The following ABHD4 variants were observed in gnomAD, a reference collection of about 807,000 sequenced individuals.
ABHD4 encodes the protein abhydrolase domain containing 4, N-acyl phospholipase B, also known as (Lyso)-N-acylphosphatidylethanolamine lipase.
A neutral mutation model predicts 42.3 loss-of-function variants in ABHD4; 35 were observed. The ratio of observed to expected loss-of-function variants is 0.83; its 90% CI spans 0.63 to 1.10. The LOEUF (loss-of-function observed/expected upper bound fraction) is 1.10. Among genes scored for constraint, ABHD4 ranks in the 50% least tolerant of loss-of-function variants. The probability of loss-of-function intolerance (pLI) is 0.00; values close to 1 mark genes in which losing one functional copy is unlikely to be tolerated. For missense variants in ABHD4, 389 were observed against 454.8 expected, an observed-to-expected ratio of 0.86 and a Z score of 1.32; for synonymous variants, 169 against 170.6, an observed-to-expected ratio of 0.99 and a Z score of 0.07.
intron 5 of ABHD4, among the ~76,000 whole-genome samples, chr14:22,608,947 G>T (rs1001637172): frequency 1.3e-5 from 2 of 151,926 alleles, no homozygotes; most frequent in Non-Finnish European, 1.5e-5. Flanking sequence ...TGATCTGCCC[G>T]CATCAGCCTC....
At chr14:22,601,860 G>A in intron 2 of ABHD4, 105 bp downstream of exon 2, 1 of 972,726 alleles carries the variant, frequency 1.0e-6, no homozygotes, top group Non-Finnish European at 1.6e-6. Flanking sequence ...CTAATTAACA[G>A]TGTGTATGGG....
In ABHD4 at chr14:22,611,119, T is replaced by C. The variant is rs1214204263; in HGVS notation, c.*171T>C. On this transcript the variant is annotated 3_prime_UTR_variant, in exon 7 of 7. Transcript: ENST00000428304. ...GAAAAGAACACTCTTGACCCTACACTGAAGGCTGAAGGCAGAAGCCACAAG... is the reference window on the plus strand; with the variant it reads ...GAAAAGAACACTCTTGACCCTACACCGAAGGCTGAAGGCAGAAGCCACAAG... The C allele has an allele frequency of 1.6e-5, 10 of 616,290 alleles. No homozygotes were observed. Among genetic ancestry groups the C allele is most frequent in the Non-Finnish European group, 2.9e-5 (10 of 346,658 alleles). 38.2% of individuals were successfully genotyped at this position (616,290 alleles called of 1,614,324 possible). A position where few individuals can be genotyped will look rare whatever the true frequency, so the allele number is the denominator to read the frequency against.
In ABHD4 at chr14:22,612,258, C is replaced by T. The variant is rs1037416438; in HGVS notation, c.*1310C>T. The stretch of plus-strand genomic sequence containing the variant: ...GCCTGCTCCTTCACTTTTGTAAAAC[C>T]ATCCCCTTCACCAGAATGGTATTAA... On this transcript the variant is annotated 3_prime_UTR_variant, in exon 7 of 7. Coordinates refer to ENST00000428304, the MANE Select transcript of ABHD4 (RefSeq NM_022060.3). The T allele has an allele frequency of 6.5e-6, 1 of 152,722 alleles. No individual in the cohort carries two copies. The highest frequency in any genetic ancestry group is 2.4e-5 in the African/African-American group (1 of 41,460). The allele number at this position is 152,722 out of a possible 1,614,324, so 9.5% of individuals were successfully genotyped here. A position where few individuals can be genotyped will look rare whatever the true frequency, so the allele number is the denominator to read the frequency against.
At chr14:22,607,421 G>A (rs935752200) in intron 5 of ABHD4, among the ~76,000 whole-genome samples, 1 of 152,118 alleles carries the variant, frequency 6.6e-6, no homozygotes, top group Admixed American at 6.5e-5. Context: ...CTCCTTTCTA[G>A]GGCTGTCCAA....
At position 22,609,822 on chromosome 14, in the gene ABHD4, C is replaced by T; in HGVS notation, c.851C>T (p.Thr284Ile). 1 of 1,614,144 alleles carries T rather than the reference C, an allele frequency of 6.2e-7. No homozygotes were observed. Among genetic ancestry groups the T allele is most frequent in the Non-Finnish European group, 8.5e-7 (1 of 1,180,038 alleles). ...IHLIRKDVPI[T>I]MIYGSDTWID... is the part of the protein sequence containing the mutation. ...TTGATTCGAAAAGATGTGCCTATCACTATGATCTACGGGTCCGACACCTGG... is the reference window on the plus strand; with the variant it reads ...TTGATTCGAAAAGATGTGCCTATCATTATGATCTACGGGTCCGACACCTGG... The change falls in exon 6 of 7, where the codon ACT (threonine) becomes ATT (isoleucine). Residue 284 changes from threonine to isoleucine, a missense_variant. This residue lies in a region of ABHD4 where 249 missense variants were observed against 254.4 expected (regional missense o/e 0.98). Coordinates refer to ENST00000428304, the MANE Select transcript of ABHD4 (RefSeq NM_022060.3).
Position 22,606,543 on chromosome 14 carries a change from G to A in ABHD4, c.752+10G>A, listed in dbSNP as rs529638832. On this transcript the variant is annotated intron_variant, in intron 5 of 6. Transcript: ENST00000428304. ...ACGCACAGAATCCCAGGTGAGGGCC[G>A]CTCCCCAGGCCAGCTTGGGGCAGAC... The A allele has an allele frequency of 1.4e-5, 22 of 1,581,284 alleles. No individual in the cohort carries two copies. Among genetic ancestry groups the A allele is most frequent in the South Asian group, 3.4e-5 (3 of 89,378 alleles).
chr14:22,598,553 G>A, intron 1 of ABHD4: 2 of 1,324,212 alleles, frequency 1.5e-6, no homozygotes, highest in South Asian at 2.5e-5. Flanking sequence ...CCCGCAGCCC[G>A]GGGATCCTGG....
At chr14:22,610,741 T>A in intron 6 of ABHD4, 118 bp from the exon 7 acceptor site, 1 of 752,538 alleles carries the variant, frequency 1.3e-6, no homozygotes. Flanking sequence ...GAGCATTATC[T>A]CTGATAAGAG....
chr14:22,603,605 A>G lies in ABHD4; in HGVS notation c.328A>G (p.Arg110Gly), dbSNP rs1241026842. The part of the protein sequence containing the change: ...FDLLGFGRSS[R>G]PAFPRDPEGA... ...TCTGCTTGGCTTCGGGCGAAGCTCA[A>G]GGCCAGCATTCCCAAGGGACCCGGA... Residue 110 changes from arginine to glycine, a missense_variant, in exon 3 of 7, where the codon AGG (arginine) becomes GGG (glycine). Physicochemically the swap from Arg to Gly is moderately radical, Grantham distance 125. Around this residue, in one of 3 missense-constraint regions of ABHD4, gnomAD observed 38 missense variants for 72.1 expected, o/e 0.53. Coordinates refer to ENST00000428304, the MANE Select transcript of ABHD4 (RefSeq NM_022060.3). The G allele has an allele frequency of 6.2e-7, 1 of 1,614,088 alleles. No homozygotes were observed. Among genetic ancestry groups the G allele is most frequent in the African/African-American group, 1.3e-5 (1 of 74,930 alleles).
chr14:22,610,801 G>A (rs992025356), intron 6 of ABHD4, 58 bp from the exon 7 acceptor site: 25 of 1,402,490 alleles, frequency 1.8e-5, no homozygotes, highest in Non-Finnish European at 2.3e-5. Context: ...ATAGCGTGAA[G>A]GCTTCCCAGC....
intron 5 of ABHD4, 190 bp from the exon 6 acceptor site, chr14:22,609,534 C>G (rs1466482667): frequency 1.8e-6 from 1 of 563,892 alleles, no homozygotes; most frequent in African/African-American, 1.9e-5. Flanking sequence ...CACAAGTGTT[C>G]CTCCGAACTC....
At chr14:22,608,258 G>A (rs901352180) in intron 5 of ABHD4, among the ~76,000 whole-genome samples, 6 of 152,156 alleles carry the variant, frequency 3.9e-5, no homozygotes. Context: ...ATCTGTACAT[G>A]TAAAAGAGAA....
At chr14:22,610,751 G>T in intron 6 of ABHD4, 108 bp from the exon 7 acceptor site, 1 of 822,548 alleles carries the variant, frequency 1.2e-6, no homozygotes, top group South Asian at 1.4e-5. Context: ...TCTGATAAGA[G>T]CTCGTGGGTG....
chr14:22,602,625 A>G (rs1415186859), intron 2 of ABHD4, among the ~76,000 whole-genome samples: 6 of 152,210 alleles, frequency 3.9e-5, no homozygotes, highest in Non-Finnish European at 8.8e-5. Context: ...ACACAGGTTC[A>G]AGAGCAATAG....
chr14:22,606,076 G>GCTA (rs2037345525), intron 4 of ABHD4, among the ~76,000 whole-genome samples: 1 of 152,188 alleles, frequency 6.6e-6, no homozygotes, highest in Non-Finnish European at 1.5e-5. Flanking sequence ...CATAGCTCAG[G>GCTA]CTATAAGAGA....
chr14:22,605,703 A>C (rs968139619), intron 4 of ABHD4: 13 of 627,044 alleles, frequency 2.1e-5, no homozygotes, highest in Non-Finnish European at 3.1e-5. Flanking sequence ...GGGACTATGC[A>C]GGAGGGAGGG....
chr14:22,600,872 G>GTA (rs2037276486), intron 1 of ABHD4, among the ~76,000 whole-genome samples: 1 of 148,104 alleles, frequency 6.8e-6, no homozygotes, highest in Non-Finnish European at 1.5e-5. Flanking sequence ...GTGTGTGTGT[G>GTA]TGTGTAATTC....
intron 5 of ABHD4, among the ~76,000 whole-genome samples, chr14:22,609,467 A>G (rs2037386297): frequency 6.6e-6 from 1 of 152,156 alleles, no homozygotes; most frequent in African/African-American, 2.4e-5. Flanking sequence ...TGTTGAGTCA[A>G]TAATAACCCA....
In ABHD4 at chr14:22,606,289, G is replaced by A. The variant is rs758546268; in HGVS notation, c.641-133G>A. ...CCTGCACTCTTTCTGCCGCTGTAGT[G>A]TTAAATGAATAAAGCAAACAAACCC... is the stretch of plus-strand genomic sequence containing the variant. On this transcript the variant is annotated intron_variant, in intron 4 of 6. Coordinates refer to ENST00000428304, the MANE Select transcript of ABHD4 (RefSeq NM_022060.3). 107 of 665,862 alleles carry A rather than the reference G, an allele frequency of 1.6e-4. 1 individual carries two copies. The Middle Eastern group carries it at 4.0e-3, about 25-fold the overall frequency. 41.2% of individuals were successfully genotyped at this position (665,862 alleles called of 1,614,324 possible). A position where few individuals can be genotyped will look rare whatever the true frequency, so the allele number is the denominator to read the frequency against.
Sources: gnomAD v4.1 joint callset for allele counts (sites outside exome capture counted in the v4.1 genomes callset) on GRCh38, gnomAD v4.1.1 for gene constraint, gnomAD v4.1.1 regional missense constraint, MANE v1.5 for transcripts, NCBI Gene and HGNC (gene_info 2026-07-23, HGNC 2026-07-21) for gene names.